PDE4D: variants seen among roughly 807,000 people sequenced by gnomAD.
PDE4D encodes phosphodiesterase 4D, also known as 3',5'-cyclic-AMP phosphodiesterase 4D.
PDE4D carries 24 observed loss-of-function variants against 87.4 expected under a neutral mutation model. The observed-to-expected ratio is 0.27, with a 90% CI of 0.20 to 0.39. The LOEUF is 0.39. PDE4D is among the 10% of genes least tolerant of loss of function. The pLI, the probability that PDE4D is intolerant of heterozygous loss-of-function variation, is 1.00. For synonymous variants in PDE4D, 384 were observed against 383.2 expected, an observed-to-expected ratio of 1.00 and a Z score of -0.02; for missense variants, 714 against 1,041.0, an observed-to-expected ratio of 0.69 and a Z score of 4.32.
At chr5:60,068,585 TATTA>T (rs1772365952) in intron 2 of PDE4D, among the ~76,000 whole-genome samples, 1 of 151,868 alleles carries the variant, frequency 6.6e-6, no homozygotes, top group East Asian at 1.9e-4. Context: ...ATCATTATTT[TATTA>T]ATTATTATTA....
At position 60,055,476 on chromosome 5, in the gene PDE4D, TA is replaced by T. The variant is rs1344552130; in HGVS notation, c.43-66760del. 3.9e-5 allele frequency among the ~76,000 whole-genome samples: 6 copies of T among 152,094 alleles called. No homozygotes were observed. In the East Asian group the frequency reaches 1.2e-3, roughly 29 times the overall value. On this transcript the variant is annotated intron_variant, in intron 2 of 16. Transcript: ENST00000502484. The stretch of plus-strand genomic sequence containing the variant: ...AGCCCATTCTCCTTTCCATTAGCAT[TA>T]GATGGCTAAACTATACCAATAGCTT...
chr5:59,668,845 G>GGAA (rs1208323931), intron 1 of PDE4D, among the ~76,000 whole-genome samples: 1,749 of 61,856 alleles, frequency 0.028, 59 homozygotes, highest in Non-Finnish European at 0.037. Context: ...AAGAGGAAGA[G>GGAA]GAAGAAGAAG....
intron 1 of PDE4D, among the ~76,000 whole-genome samples, chr5:59,391,126 G>A (rs1788151287): frequency 6.6e-6 from 1 of 152,138 alleles, no homozygotes; most frequent in African/African-American, 2.4e-5. Context: ...GTAAGCATAG[G>A]AGGAGACTAA....
chr5:60,208,051 T>C (rs1396345037), intron 1 of PDE4D, among the ~76,000 whole-genome samples: 1 of 152,212 alleles, frequency 6.6e-6, no homozygotes, highest in Non-Finnish European at 1.5e-5. Flanking sequence ...CATTGTTCCA[T>C]GCATGCAAAA....
chr5:59,653,208 AT>A (rs555841091), intron 1 of PDE4D, among the ~76,000 whole-genome samples: 57 of 125,726 alleles, frequency 4.5e-4, no homozygotes, highest in African/African-American at 7.4e-4. Flanking sequence ...AAAAAAAAAA[AT>A]TTTTTTTTTT....
chr5:59,129,370 T>G (rs1311170143), intron 5 of PDE4D, among the ~76,000 whole-genome samples: 1 of 152,172 alleles, frequency 6.6e-6, no homozygotes, highest in Non-Finnish European at 1.5e-5. Context: ...CCCAAAGTGC[T>G]GAGATTACAG....
intron 1 of PDE4D, among the ~76,000 whole-genome samples, chr5:59,771,474 A>AGAGAGAGAGAGAGAGAG: frequency 1.0e-5 from 1 of 97,882 alleles, no homozygotes; most frequent in Non-Finnish European, 2.2e-5. Flanking sequence ...AGAAAGAAAG[A>AGAGAGAGAGAGAGAGAG]AAGAAAGAAA....
At chr5:59,513,010 A>G (rs887482734) in intron 1 of PDE4D, among the ~76,000 whole-genome samples, 3 of 152,134 alleles carry the variant, frequency 2.0e-5, no homozygotes, top group Admixed American at 6.5e-5. Flanking sequence ...ATCGTTTTCA[A>G]AGTCTAAATG....
At chr5:59,987,707 C>T (rs143327640) in intron 3 of PDE4D, 8 of 152,272 alleles carry the variant, frequency 5.3e-5, no homozygotes, top group African/African-American at 1.9e-4. Flanking sequence ...TGGCTTCATC[C>T]TCTTTCCTTT....
chr5:59,513,892 A>C (rs1026238968), intron 1 of PDE4D, among the ~76,000 whole-genome samples: 1 of 152,170 alleles, frequency 6.6e-6, no homozygotes, highest in Non-Finnish European at 1.5e-5. Flanking sequence ...ATTGAGATTC[A>C]GGTATAAAGG....
chr5:59,977,586 A>G (rs1029058450), intron 3 of PDE4D, among the ~76,000 whole-genome samples: 2 of 152,230 alleles, frequency 1.3e-5, no homozygotes, highest in African/African-American at 4.8e-5. Flanking sequence ...GGAAAAAAAA[A>G]GGAGTGTGAA....
Position 59,893,256 on chromosome 5 carries a change from G to T in PDE4D, c.367C>A (p.Arg123Ser). The T allele has an allele frequency of 6.4e-7, 1 of 1,553,188 alleles. No homozygotes were observed. Among genetic ancestry groups the T allele is most frequent in the South Asian group, 1.2e-5 (1 of 84,026 alleles). ...ERYLYCRAMD[R>S]TSYAVETGHR... ...CCGGTCTCCACCGCGTAGGAGGTGC[G>T]GTCCATGGCGCGACAGTACAGGTAG... is the stretch of plus-strand genomic sequence containing the variant. The change falls in exon 1 of 15, where the codon CGC (arginine) becomes AGC (serine). Residue 123 changes from arginine (R) to serine (S), a missense_variant. Around this residue, in one of 7 missense-constraint regions of PDE4D, gnomAD observed 268 missense variants for 272.9 expected, o/e 0.98. Coordinates refer to ENST00000340635, the MANE Select transcript of PDE4D (RefSeq NM_001104631.2).
intron 1 of PDE4D, among the ~76,000 whole-genome samples, chr5:60,204,977 T>C (rs1043055235): frequency 1.3e-5 from 2 of 152,182 alleles, no homozygotes; most frequent in Non-Finnish European, 2.9e-5. Context: ...TCAATAAGTG[T>C]TAGCTATCTT....
At chr5:59,700,457 T>A (rs1232090031) in intron 1 of PDE4D, among the ~76,000 whole-genome samples, 11 of 152,066 alleles carry the variant, frequency 7.2e-5, no homozygotes. Context: ...AAAACAGCTA[T>A]CTCTTCATGA....
chr5:59,771,471 AAGAAAGAAAGAAAG>A (rs1335127346), intron 1 of PDE4D, among the ~76,000 whole-genome samples: 10 of 80,294 alleles, frequency 1.2e-4, no homozygotes, highest in African/African-American at 5.1e-4. Context: ...GAAAGAAAGA[AAGAAAGAAAGAAAG>A]AGAGAGAGAG....
chr5:59,028,106 T>C (rs58779089), intron 6 of PDE4D, among the ~76,000 whole-genome samples: 16,001 of 152,208 alleles, frequency 0.11, 1,320 homozygotes, highest in East Asian at 0.47. Context: ...TCTTCTGCAC[T>C]GCATTATGCA....
chr5:59,800,101 G>T (rs574303671), intron 1 of PDE4D, among the ~76,000 whole-genome samples: 2 of 152,058 alleles, frequency 1.3e-5, no homozygotes, highest in South Asian at 2.1e-4. Flanking sequence ...ATGAAGGGAG[G>T]TCTAGTCATT....
chr5:59,707,505 TTTTTA>T (rs1180236419), intron 1 of PDE4D, among the ~76,000 whole-genome samples: 1 of 152,018 alleles, frequency 6.6e-6, no homozygotes, highest in African/African-American at 2.4e-5. Context: ...TTTTTTTAGG[TTTTTA>T]TTTTTTTTGT....
intron 1 of PDE4D, among the ~76,000 whole-genome samples, chr5:59,815,427 C>T (rs1197892688): frequency 1.3e-5 from 2 of 152,150 alleles, no homozygotes; most frequent in South Asian, 2.1e-4. Context: ...GGTGGGTAGG[C>T]TCCAGAGCTA....
Sources: gnomAD v4.1 joint callset for allele counts (sites outside exome capture counted in the v4.1 genomes callset) on GRCh38, gnomAD v4.1.1 for gene constraint, gnomAD v4.1.1 regional missense constraint, MANE v1.5 for transcripts, NCBI Gene and HGNC (gene_info 2026-07-23, HGNC 2026-07-21) for gene names.